Variants in TRPM6 observed in about 807,000 individuals in gnomAD.
TRPM6 encodes channel kinase 2.
TRPM6 carries 111 observed loss-of-function variants against 247.6 expected under a neutral mutation model. The ratio of observed to expected loss-of-function variants is 0.45; its 90% confidence interval spans 0.38 to 0.52. TRPM6 has a LOEUF of 0.52. Among genes scored for constraint, TRPM6 ranks in the 20% least tolerant of loss-of-function variants. TRPM6 has a pLI of 0.00. For missense variants in TRPM6, 2,126 were observed against 2,421.5 expected, an observed-to-expected ratio of 0.88 and a Z score of 2.56; for synonymous variants, 892 against 853.8, an observed-to-expected ratio of 1.04 and a Z score of -0.78.
At chr9:74,800,063 G>T in intron 17 of TRPM6, 191 bp downstream of exon 17, 1 of 624,892 alleles carries the variant, frequency 1.6e-6, no homozygotes, top group Non-Finnish European at 2.9e-6. Flanking sequence ...GACCATCCCC[G>T]ATAGAGGAAG....
At chr9:74,783,584 T>A (rs781442326) in intron 21 of TRPM6, among the ~76,000 whole-genome samples, 1 of 152,146 alleles carries the variant, frequency 6.6e-6, no homozygotes, top group Non-Finnish European at 1.5e-5. Flanking sequence ...GACAAAGGGA[T>A]CCCAGATTCC....
intron 3 of TRPM6, among the ~76,000 whole-genome samples, chr9:74,850,913 A>C (rs1204329220): frequency 6.6e-6 from 1 of 152,156 alleles, no homozygotes; most frequent in Non-Finnish European, 1.5e-5. Flanking sequence ...ATGAAGCAGC[A>C]TCTATTCAAA....
intron 32 of TRPM6, 83 bp downstream of exon 32, chr9:74,744,008 CACAG>C (rs1365046707): frequency 7.5e-7 from 1 of 1,339,612 alleles, no homozygotes; most frequent in African/African-American, 1.4e-5. Flanking sequence ...ATGTCAGTAA[CACAG>C]AATTTGTCAG....
At chr9:74,748,361 C>T (rs1826120559) in intron 30 of TRPM6, among the ~76,000 whole-genome samples, 1 of 152,148 alleles carries the variant, frequency 6.6e-6, no homozygotes, top group Non-Finnish European at 1.5e-5. Flanking sequence ...AGCATGTACT[C>T]CTTATATTTA....
chr9:74,843,720 C>T (rs1045711945), intron 3 of TRPM6, among the ~76,000 whole-genome samples: 9 of 147,126 alleles, frequency 6.1e-5, no homozygotes, highest in East Asian at 6.0e-4. Flanking sequence ...GAGGCTGAGA[C>T]GGGAAAATGG....
intron 9 of TRPM6, among the ~76,000 whole-genome samples, chr9:74,818,791 G>A (rs755397131): frequency 3.9e-5 from 6 of 151,920 alleles, no homozygotes; most frequent in Non-Finnish European, 8.8e-5. Context: ...TTGTTATTGG[G>A]CCAACTAAAA....
intron 9 of TRPM6, among the ~76,000 whole-genome samples, chr9:74,817,575 C>T (rs1057497610): frequency 9.9e-5 from 15 of 152,106 alleles, no homozygotes; most frequent in African/African-American, 2.7e-4. Context: ...GAGCAAGTAC[C>T]CTGGGCAACA....
At chr9:74,799,907 G>A (rs1413956181) in intron 17 of TRPM6, 2 of 334,940 alleles carry the variant, frequency 6.0e-6, no homozygotes, top group East Asian at 1.4e-4. Flanking sequence ...ATGTGAGGGC[G>A]ATCTGGCTGT....
At chr9:74,763,793 A>T (rs1284696853) in intron 25 of TRPM6, among the ~76,000 whole-genome samples, 3 of 152,226 alleles carry the variant, frequency 2.0e-5, no homozygotes, top group Non-Finnish European at 4.4e-5. Context: ...TCATTGATTC[A>T]TGTAAAAGCA....
At chr9:74,847,254 G>T (rs948402778) in intron 3 of TRPM6, among the ~76,000 whole-genome samples, 4 of 152,128 alleles carry the variant, frequency 2.6e-5, no homozygotes, top group Admixed American at 2.6e-4. Context: ...AGGCTGGAGT[G>T]CAGTGGTGTG....
At chr9:74,823,002 T>C (rs1449435435) in intron 7 of TRPM6, among the ~76,000 whole-genome samples, 1 of 152,208 alleles carries the variant, frequency 6.6e-6, no homozygotes, top group Non-Finnish European at 1.5e-5. Context: ...AAAGGGACCT[T>C]GTCTATTTAT....
chr9:74,879,834 C>T (rs1831305802), intron 1 of TRPM6, among the ~76,000 whole-genome samples: 1 of 152,154 alleles, frequency 6.6e-6, no homozygotes. Context: ...ATGTGTTTCC[C>T]TAAGTTCTGT....
chr9:74,810,925 T>G, intron 12 of TRPM6, 57 bp from the exon 13 acceptor site: 2 of 1,433,446 alleles, frequency 1.4e-6, no homozygotes, highest in Non-Finnish European at 2.0e-6. Flanking sequence ...TGCTGGGGGG[T>G]AAAACCTTTA....
intron 5 of TRPM6, among the ~76,000 whole-genome samples, chr9:74,836,620 A>G (rs1829731200): frequency 6.6e-6 from 1 of 152,224 alleles, no homozygotes; most frequent in South Asian, 2.1e-4. Flanking sequence ...GACTCTCCGT[A>G]AAACCCAATT....
At chr9:74,787,745 T>C (rs987776544) in intron 20 of TRPM6, among the ~76,000 whole-genome samples, 10 of 152,232 alleles carry the variant, frequency 6.6e-5, no homozygotes, top group Non-Finnish European at 1.3e-4. Context: ...AGACGGAGTC[T>C]CGCTCTGTCA....
chr9:74,761,625 A>G, intron 27 of TRPM6, 71 bp downstream of exon 27: 1 of 910,870 alleles, frequency 1.1e-6, no homozygotes. Context: ...TACAGTAAAG[A>G]TAAATCAAAC....
chr9:74,823,645 G>C (rs1044875209), intron 7 of TRPM6, among the ~76,000 whole-genome samples: 1 of 152,018 alleles, frequency 6.6e-6, no homozygotes, highest in African/African-American at 2.4e-5. Flanking sequence ...TCTCTAAATA[G>C]TCTTATAAAA....
intron 19 of TRPM6, 69 bp downstream of exon 19, chr9:74,792,555 A>G: frequency 1.3e-6 from 2 of 1,524,074 alleles, no homozygotes; most frequent in Non-Finnish European, 1.8e-6. Flanking sequence ...CAAATCAGGC[A>G]TATTATCAAC....
At chr9:74,817,662 G>A (rs1273420342) in intron 9 of TRPM6, among the ~76,000 whole-genome samples, 1 of 152,120 alleles carries the variant, frequency 6.6e-6, no homozygotes, top group Non-Finnish European at 1.5e-5. Context: ...GGGCCCTTGA[G>A]GCACTTGCTC....
Sources: gnomAD v4.1 joint callset for allele counts (sites outside exome capture counted in the v4.1 genomes callset) on GRCh38, gnomAD v4.1.1 for gene constraint, MANE v1.5 for transcripts, NCBI Gene and HGNC (gene_info 2026-07-23, HGNC 2026-07-21) for gene names.